The following ADCY1 variants were observed in gnomAD, a reference collection of about 807,000 sequenced individuals.
ADCY1 encodes the protein adenylate cyclase 1.
A neutral mutation model predicts 105.4 loss-of-function variants in ADCY1; 28 were observed. The ratio of observed to expected loss-of-function variants is 0.27; its 90% CI spans 0.20 to 0.36. The LOEUF is 0.36. ADCY1 is among the 10% of genes least tolerant of loss of function. ADCY1 has a pLI of 1.00. For synonymous variants in ADCY1, 655 were observed against 623.8 expected (o/e 1.05, Z -0.75); for missense variants, 977 against 1,434.2 (o/e 0.68, Z 5.15).
chr7:45,706,803 C>G (rs1785130336), intron 17 of ADCY1, among the ~76,000 whole-genome samples: 1 of 152,048 alleles, frequency 6.6e-6, no homozygotes, highest in South Asian at 2.1e-4. Flanking sequence ...TTGCAAGCCA[C>G]CTATCTGATA....
chr7:45,623,314 C>T (rs893670664), intron 4 of ADCY1, among the ~76,000 whole-genome samples: 1 of 152,238 alleles, frequency 6.6e-6, no homozygotes, highest in Non-Finnish European at 1.5e-5. Context: ...GAATGTCGGG[C>T]CAAGGCCATA....
chr7:45,657,916 G>GGC, intron 6 of ADCY1, 31 bp downstream of exon 6: 3 of 502,916 alleles, frequency 6.0e-6, no homozygotes, highest in Non-Finnish European at 8.0e-6. Flanking sequence ...GGAGGGGAGG[G>GGC]AGGTGGGTGA....
Position 45,708,223 on chromosome 7 carries a change from G to T in ADCY1, c.2818-127G>T. 1.6e-6 allele frequency: 1 copy of T among 637,658 alleles called. No individual in the cohort carries two copies. The allele number at this position is 637,658 out of a possible 1,614,324, so 39.5% of individuals were successfully genotyped here. A position where few individuals can be genotyped will look rare whatever the true frequency, so the allele number is the denominator to read the frequency against. ...CTACCTGTAGAATGGAATGATAAAT[G>T]TGCCTATAGCCAGGCACTCAGAGTG... On this transcript the variant is annotated intron_variant, in intron 17 of 19. Transcript: ENST00000297323. This position sits in a 1 kb window ranked among gnomAD's most constrained non-coding sequence, Gnocchi z 4.7.
chr7:45,649,393 T>C (rs1414609987), intron 5 of ADCY1, among the ~76,000 whole-genome samples: 1 of 152,204 alleles, frequency 6.6e-6, no homozygotes, highest in African/African-American at 2.4e-5. Flanking sequence ...GGTGTGGAGC[T>C]GGAAGGCTGA....
chr7:45,592,258 C>T (rs1792941478), intron 1 of ADCY1, among the ~76,000 whole-genome samples: 1 of 152,082 alleles, frequency 6.6e-6, no homozygotes, highest in African/African-American at 2.4e-5. Context: ...CAATATCAAG[C>T]TGTGGGCAGG....
chr7:45,635,601 GTTTT>G (rs71030884), intron 4 of ADCY1, among the ~76,000 whole-genome samples: 3 of 57,194 alleles, frequency 5.2e-5, no homozygotes, highest in African/African-American at 1.4e-4. Flanking sequence ...AATTTCTCTT[GTTTT>G]TTTTTTTTTT....
At chr7:45,583,430 C>G (rs1792622430) in intron 1 of ADCY1, among the ~76,000 whole-genome samples, 1 of 152,218 alleles carries the variant, frequency 6.6e-6, no homozygotes, top group Non-Finnish European at 1.5e-5. Flanking sequence ...GTAGCACATT[C>G]TGAATCTGAG....
intron 1 of ADCY1, among the ~76,000 whole-genome samples, chr7:45,583,140 G>A (rs570801431): frequency 5.9e-5 from 9 of 152,364 alleles, no homozygotes; most frequent in Non-Finnish European, 7.3e-5. Flanking sequence ...ACACATGTGC[G>A]TGTGGATACG....
chr7:45,632,527 A>G (rs967170178), intron 4 of ADCY1, among the ~76,000 whole-genome samples: 2 of 122,252 alleles, frequency 1.6e-5, no homozygotes, highest in African/African-American at 2.9e-5. Flanking sequence ...AAAATTCTAT[A>G]CATTTCTCAG....
At chr7:45,577,031 G>A (rs949678970) in intron 1 of ADCY1, among the ~76,000 whole-genome samples, 4 of 152,144 alleles carry the variant, frequency 2.6e-5, no homozygotes, top group African/African-American at 9.7e-5. Flanking sequence ...CTGGACACAG[G>A]GAACTCTGCC....
In ADCY1 at chr7:45,679,702, C is replaced by T. The variant is rs2116189847; in HGVS notation, c.1899-7C>T. 6.2e-7 allele frequency: 1 copy of T among 1,614,170 alleles called. No individual in the cohort carries two copies. ...TATCAGTGACTCTCATGTTTTCTGT[C>T]CCCCAGGAGTGTGGTCGTCCTGCTC... On this transcript the variant is annotated splice_region_variant and splice_polypyrimidine_tract_variant and intron_variant, in intron 10 of 19. Coordinates refer to ENST00000297323, the MANE Select transcript of ADCY1 (RefSeq NM_021116.4).
chr7:45,595,350 T>C lies in ADCY1; in HGVS notation c.789+2442T>C, dbSNP rs191756999. 1.1e-3 allele frequency among the ~76,000 whole-genome samples: 174 copies of C among 152,212 alleles called. 1 individual carries two copies. The highest frequency in any genetic ancestry group is 3.3e-3 in the African/African-American group (138 of 41,546). On this transcript the variant is annotated intron_variant, in intron 2 of 19. Transcript: ENST00000297323. ...GGGGGTTGGGGTTCTGATGAGCTGCTCTGCAGTCCCTGTCTTTCTCCCGTT... is the reference window on the plus strand; with the variant it reads ...GGGGGTTGGGGTTCTGATGAGCTGCCCTGCAGTCCCTGTCTTTCTCCCGTT...
intron 8 of ADCY1, 138 bp downstream of exon 8, chr7:45,662,352 C>T: frequency 2.1e-6 from 2 of 946,124 alleles, no homozygotes; most frequent in Non-Finnish European, 3.0e-6. Flanking sequence ...AAATGCTGCT[C>T]AGAGCTGAGC....
intron 2 of ADCY1, among the ~76,000 whole-genome samples, chr7:45,600,024 C>T (rs1353932307): frequency 1.3e-5 from 2 of 152,224 alleles, no homozygotes; most frequent in Non-Finnish European, 2.9e-5. Context: ...CTTCTTGGTT[C>T]TCCCTGATGG....
At chr7:45,645,356 C>A (rs2116044646) in intron 4 of ADCY1, among the ~76,000 whole-genome samples, 1 of 152,114 alleles carries the variant, frequency 6.6e-6, no homozygotes, top group South Asian at 2.1e-4. Flanking sequence ...TTGAAGATTC[C>A]ACCCCAGCCA....
chr7:45,665,544 A>C (rs1247539932), intron 8 of ADCY1, among the ~76,000 whole-genome samples: 1 of 152,236 alleles, frequency 6.6e-6, no homozygotes, highest in Non-Finnish European at 1.5e-5. Flanking sequence ...TCTTCTCTTC[A>C]CACTTAAATA....
Position 45,607,477 on chromosome 7 carries a change from A to G in ADCY1, c.790-2902A>G, listed in dbSNP as rs559506520. Among the ~76,000 whole-genome samples the G allele has an allele frequency of 4.4e-4, 67 of 152,290 alleles. No homozygotes were observed. The South Asian group carries it at 0.014, about 31-fold the overall frequency. On this transcript the variant is annotated intron_variant, in intron 2 of 19. Transcript: ENST00000297323. ...AACCTTCATTTTAGATTGAGGGTAC[A>G]TGTGCAGGTTTGTTACGTTGATATA...
intron 3 of ADCY1, among the ~76,000 whole-genome samples, chr7:45,615,694 A>G (rs1470071124): frequency 6.6e-6 from 1 of 152,228 alleles, no homozygotes; most frequent in Non-Finnish European, 1.5e-5. Flanking sequence ...GGGATGGAAC[A>G]GAAGCAGTAA....
intron 2 of ADCY1, among the ~76,000 whole-genome samples, chr7:45,605,922 G>A (rs549356503): frequency 2.0e-5 from 3 of 152,206 alleles, no homozygotes; most frequent in South Asian, 2.1e-4. Flanking sequence ...TTGTGTATGA[G>A]CCTCTGTATA....
Sources: gnomAD v4.1 joint callset for allele counts (sites outside exome capture counted in the v4.1 genomes callset) on GRCh38, gnomAD v4.1.1 for gene constraint, Gnocchi (gnomAD v3.1) non-coding constraint, MANE v1.5 for transcripts, NCBI Gene and HGNC (gene_info 2026-07-23, HGNC 2026-07-21) for gene names.